Variants in MYLK observed in about 807,000 individuals in gnomAD.
The protein encoded by MYLK is myosin light chain kinase, also known as myosin light chain kinase, smooth muscle.
A neutral mutation model predicts 203.4 loss-of-function variants in MYLK; 106 were observed. That is an observed-to-expected ratio of 0.52 (90% CI 0.45 to 0.61). MYLK has a LOEUF of 0.61. Ranked by LOEUF, MYLK falls within the 20% of genes least tolerant of loss-of-function variation. MYLK has a pLI of 0.00. For missense variants in MYLK, 2,072 were observed against 2,442.3 expected, an observed-to-expected ratio of 0.85 and a Z score of 3.20; for synonymous variants, 867 against 959.5, an observed-to-expected ratio of 0.90 and a Z score of 1.78.
intron 30 of MYLK, among the ~76,000 whole-genome samples, chr3:123,627,298 G>A (rs1403950762): frequency 1.3e-5 from 2 of 152,198 alleles, no homozygotes; most frequent in East Asian, 3.8e-4. Flanking sequence ...CTCCTCTCAT[G>A]AGGGCTGGGG....
intron 3 of MYLK, among the ~76,000 whole-genome samples, chr3:123,806,519 C>G (rs941694559): frequency 3.3e-5 from 5 of 152,004 alleles, no homozygotes; most frequent in African/African-American, 1.2e-4. Flanking sequence ...TTGTGGAGGG[C>G]CTAGAGGATG....
intron 5 of MYLK, among the ~76,000 whole-genome samples, chr3:123,748,352 C>T (rs1463842997): frequency 2.6e-5 from 4 of 152,240 alleles, no homozygotes; most frequent in East Asian, 1.9e-4. Flanking sequence ...TTGGAAATCA[C>T]GTTTCAACAT....
In MYLK at chr3:123,796,645, T is replaced by C. The variant is rs576090288; in HGVS notation, c.-3-2801A>G. On this transcript the variant is annotated intron_variant, in intron 3 of 33. Coordinates refer to ENST00000360304, the MANE Select transcript of MYLK (RefSeq NM_053025.4). ...TATGACCTGAACAATGCACAGAGGA[T>C]GTACCACTGAACACTCTTGGCTCCG... is the stretch of plus-strand genomic sequence containing the variant. 2.4e-4 allele frequency among the ~76,000 whole-genome samples: 36 copies of C among 152,280 alleles called. 2 individuals are homozygous for C. In the South Asian group the frequency reaches 7.3e-3, roughly 31 times the overall value.
At chr3:123,777,107 C>CAGG (rs2064107867) in intron 4 of MYLK, among the ~76,000 whole-genome samples, 1 of 152,330 alleles carries the variant, frequency 6.6e-6, no homozygotes, top group East Asian at 1.9e-4. Context: ...CAAAGTAAGC[C>CAGG]ATTTAGAGTG....
intron 20 of MYLK, among the ~76,000 whole-genome samples, chr3:123,677,774 T>G (rs971452821): frequency 1.3e-5 from 2 of 151,244 alleles, no homozygotes; most frequent in Non-Finnish European, 2.9e-5. Flanking sequence ...AATAATTGCA[T>G]TGTAGTTATG....
At chr3:123,789,950 C>G (rs1000177729) in intron 4 of MYLK, among the ~76,000 whole-genome samples, 1 of 152,232 alleles carries the variant, frequency 6.6e-6, no homozygotes, top group African/African-American at 2.4e-5. Context: ...GAGACACTAT[C>G]TCCACATGCA....
rs1228803195 is a variant in MYLK at position 123,737,439 on chromosome 3, G to C, written c.693C>G (p.Tyr231Ter). 1 of 1,614,036 alleles carries C rather than the reference G, an allele frequency of 6.2e-7. No homozygotes were observed. Among genetic ancestry groups the C allele is most frequent in the Non-Finnish European group, 8.5e-7 (1 of 1,180,042 alleles). ...CCGACCCGTTCACCACCAGGCACGT[G>C]TACACTCCCACGTCATCTTGGTTGA... ...HGVNQDDVGV[Y>*]TCLVVNGSGK... Residue 231 changes from tyrosine (Y) to a stop codon, truncating the protein, a stop_gained, in exon 8 of 34, where the codon TAC (tyrosine) becomes TAG (stop). Coordinates refer to ENST00000360304, the MANE Select transcript of MYLK (RefSeq NM_053025.4). LOFTEE classifies it high-confidence loss of function.
chr3:123,799,432 A>C (rs886762598), intron 3 of MYLK, among the ~76,000 whole-genome samples: 10 of 152,232 alleles, frequency 6.6e-5, no homozygotes, highest in African/African-American at 2.4e-4. Context: ...GTAATACCAC[A>C]GAACAAGTTT....
intron 1 of MYLK, among the ~76,000 whole-genome samples, chr3:123,881,839 T>C (rs1483009447): frequency 6.6e-6 from 1 of 152,068 alleles, no homozygotes; most frequent in Non-Finnish European, 1.5e-5. Flanking sequence ...CCCAGAACCT[T>C]TCCCCACCCT....
chr3:123,701,602 G>A (rs982364429), intron 16 of MYLK, 93 bp from the exon 17 acceptor site: 1 of 1,307,348 alleles, frequency 7.6e-7, no homozygotes, highest in Non-Finnish European at 1.1e-6. Context: ...TGGCCAGCGG[G>A]GAAGATGGAA....
chr3:123,757,085 T>G (rs746808205), intron 4 of MYLK, among the ~76,000 whole-genome samples: 5 of 152,192 alleles, frequency 3.3e-5, no homozygotes, highest in Non-Finnish European at 7.4e-5. Context: ...GCATTCTACC[T>G]GCCTGTCTCA....
At chr3:123,670,601 T>C (rs1234244529) in intron 20 of MYLK, among the ~76,000 whole-genome samples, 1 of 151,754 alleles carries the variant, frequency 6.6e-6, no homozygotes, top group Non-Finnish European at 1.5e-5. Flanking sequence ...TAAAAAATAA[T>C]AAAAACAGCC....
intron 2 of MYLK, among the ~76,000 whole-genome samples, chr3:123,864,735 T>C (rs1376355387): frequency 6.6e-6 from 1 of 152,074 alleles, no homozygotes; most frequent in Non-Finnish European, 1.5e-5. Flanking sequence ...TGAGATCCTG[T>C]CTTTACAAAA....
chr3:123,709,529 A>C (rs2061608527), intron 14 of MYLK: 2 of 612,078 alleles, frequency 3.3e-6, no homozygotes, highest in Non-Finnish European at 5.8e-6. Flanking sequence ...CTCTAGCTCT[A>C]TGGCCATCTT....
chr3:123,679,813 G>C (rs1560061126), intron 20 of MYLK, among the ~76,000 whole-genome samples: 1 of 152,122 alleles, frequency 6.6e-6, no homozygotes, highest in Non-Finnish European at 1.5e-5. Flanking sequence ...AAGGTGCCTT[G>C]TTCGGCTCTC....
At chr3:123,805,546 C>T (rs975478740) in intron 3 of MYLK, among the ~76,000 whole-genome samples, 33 of 152,114 alleles carry the variant, frequency 2.2e-4, no homozygotes, top group African/African-American at 7.5e-4. Context: ...AGAGAGAGGG[C>T]CAATTCCTAA....
intron 11 of MYLK, 115 bp from the exon 12 acceptor site, chr3:123,726,193 G>A (rs964645959): frequency 1.9e-5 from 27 of 1,388,424 alleles, no homozygotes; most frequent in South Asian, 2.6e-5. Flanking sequence ...GGGTACCCTC[G>A]GCAGCCTGCC....
chr3:123,812,769 C>T (rs141127780), intron 3 of MYLK, among the ~76,000 whole-genome samples: 131 of 152,332 alleles, frequency 8.6e-4, no homozygotes, highest in African/African-American at 3.1e-3. Flanking sequence ...TCTCCGTTGA[C>T]TGGGGGCCCC....
chr3:123,684,017 G>A (rs2060363074), intron 19 of MYLK, among the ~76,000 whole-genome samples: 2 of 152,218 alleles, frequency 1.3e-5, no homozygotes, highest in Admixed American at 1.3e-4. Flanking sequence ...CAGCATGCCA[G>A]TTCCATGAGG....
Sources: allele counts gnomAD v4.1 joint callset (sites outside exome capture counted in the v4.1 genomes callset), GRCh38; gene constraint gnomAD v4.1.1; transcripts MANE v1.5; gene names NCBI Gene and HGNC (gene_info 2026-07-23, HGNC 2026-07-21).